The following ABCA5 variants were observed in gnomAD, a reference collection of about 807,000 sequenced individuals.
ABCA5 encodes the protein ATP binding cassette subfamily A member 5.
In ABCA5, 163 loss-of-function variants were observed where a neutral mutation model predicts 206.0. The ratio of observed to expected loss-of-function variants is 0.79; its 90% CI spans 0.70 to 0.90. The LOEUF is 0.90. ABCA5 is among the 40% of genes least tolerant of loss of function. The pLI is 0.00. For missense variants in ABCA5, 1,859 were observed against 1,912.9 expected, an observed-to-expected ratio of 0.97 and a Z score of 0.53; for synonymous variants, 609 against 613.8, an observed-to-expected ratio of 0.99 and a Z score of 0.11.
intron 25 of ABCA5, 51 bp from the exon 26 acceptor site, chr17:69,261,310 T>A: frequency 8.5e-6 from 13 of 1,524,228 alleles, no homozygotes; most frequent in Non-Finnish European, 1.1e-5. Flanking sequence ...AGAAACTTCT[T>A]ACAAATTGGT....
chr17:69,291,328 T>C lies in ABCA5; in HGVS notation c.1496-2A>G, dbSNP rs1428375178. On this transcript the variant is annotated splice_acceptor_variant, in intron 11 of 38. Coordinates refer to ENST00000392676, the MANE Select transcript of ABCA5 (RefSeq NM_172232.4). LOFTEE classifies it high-confidence loss of function. ...CCTCATATATGTCAAATGACAAATC[T>C]AGTTCAGGAAAAAAGAAGACTCAAA... 1.3e-6 allele frequency: 2 copies of C among 1,574,378 alleles called. No homozygotes were observed. Among genetic ancestry groups the C allele is most frequent in the South Asian group, 2.3e-5 (2 of 88,312 alleles).
intron 21 of ABCA5, 128 bp downstream of exon 21, chr17:69,271,034 A>T: frequency 9.0e-7 from 1 of 1,117,238 alleles, no homozygotes; most frequent in Non-Finnish European, 1.2e-6. Context: ...AAAGACAGCT[A>T]GTTATTTCCA....
intron 3 of ABCA5, among the ~76,000 whole-genome samples, chr17:69,310,342 C>T (rs180849720): frequency 3.4e-4 from 52 of 152,194 alleles, no homozygotes; most frequent in African/African-American, 1.3e-3. Context: ...GGTGTCACTA[C>T]ATTACCCAAG....
intron 1 of ABCA5, among the ~76,000 whole-genome samples, chr17:69,323,467 C>T (rs1169001661): frequency 6.6e-6 from 1 of 152,196 alleles, no homozygotes; most frequent in Non-Finnish European, 1.5e-5. Context: ...TGTGACCATC[C>T]TCAAGTTTTA....
At chr17:69,300,135 G>A (rs1403237063) in intron 9 of ABCA5, among the ~76,000 whole-genome samples, 2 of 152,164 alleles carry the variant, frequency 1.3e-5, no homozygotes, top group East Asian at 1.9e-4. Flanking sequence ...GGAGCCCTGA[G>A]CTTGTTTTTC....
At position 69,245,316 on chromosome 17, in the gene ABCA5, G is replaced by GAT. The variant is rs367672784; in HGVS notation, c.*2220_*2221insAT. 9.9e-5 allele frequency: 15 copies of GAT among 151,918 alleles called. No homozygotes were observed. In the East Asian group the frequency reaches 2.9e-3, roughly 29 times the overall value. 9.4% of individuals were successfully genotyped at this position (151,918 alleles called of 1,614,324 possible). A position where few individuals can be genotyped will look rare whatever the true frequency, so the allele number is the denominator to read the frequency against. On this transcript the variant is annotated 3_prime_UTR_variant, in exon 39 of 39. Coordinates refer to ENST00000392676, the MANE Select transcript of ABCA5 (RefSeq NM_172232.4). ...CCTTTGAAAATTTGACCATGAATGGGAAATATAAGGTTGGTGATGTTGCTT... is the reference window on the plus strand; with the variant it reads ...CCTTTGAAAATTTGACCATGAATGGGATAAATATAAGGTTGGTGATGTTGCTT...
chr17:69,273,846 G>T, intron 20 of ABCA5, 113 bp downstream of exon 20: 2 of 971,726 alleles, frequency 2.1e-6, no homozygotes, highest in Non-Finnish European at 1.5e-6. Flanking sequence ...TAGATTTCAT[G>T]CAGACAGACC....
chr17:69,321,018 G>C (rs2075860904), intron 1 of ABCA5, among the ~76,000 whole-genome samples: 1 of 152,042 alleles, frequency 6.6e-6, no homozygotes, highest in South Asian at 2.1e-4. Context: ...AAAAAGGGGT[G>C]ATTACAACTC....
chr17:69,262,414 G>GTC (rs2075159048), intron 24 of ABCA5, among the ~76,000 whole-genome samples: 1 of 151,998 alleles, frequency 6.6e-6, no homozygotes, highest in Admixed American at 6.6e-5. Context: ...AGTGCCCAGT[G>GTC]TCTACTGTTG....
intron 8 of ABCA5, among the ~76,000 whole-genome samples, chr17:69,302,148 T>C (rs563540533): frequency 2.0e-5 from 3 of 152,328 alleles, no homozygotes; most frequent in African/African-American, 2.4e-5. Context: ...GCCAAATTCA[T>C]GTTCCACTAC....
In ABCA5 at chr17:69,293,054, C is replaced by T. The variant is rs565097999; in HGVS notation, c.1495+1601G>A. Among the ~76,000 whole-genome samples, 178 of 152,230 alleles carry T rather than the reference C, an allele frequency of 1.2e-3. 2 individuals carry two copies. Among genetic ancestry groups the T allele is most frequent in the Admixed American group, 2.4e-3 (37 of 15,290 alleles). On this transcript the variant is annotated intron_variant, in intron 11 of 38. Transcript: ENST00000392676. ...ATAAATTAATTTGCCTCCTAGAAGA[C>T]ATTTGGTAAAGACTGGAGACATTTT...
At chr17:69,290,563 T>C (rs770792386) in intron 12 of ABCA5, among the ~76,000 whole-genome samples, 1 of 152,152 alleles carries the variant, frequency 6.6e-6, no homozygotes, top group African/African-American at 2.4e-5. Context: ...TAAGATATTA[T>C]GACTACCATC....
At chr17:69,325,915 G>C (rs1255680046) in intron 1 of ABCA5, 1 of 152,160 alleles carries the variant, frequency 6.6e-6, no homozygotes, top group Non-Finnish European at 1.5e-5. Context: ...TGTTTGAAAG[G>C]AAATATACTC....
In ABCA5 at chr17:69,306,544, G is replaced by T. The variant is rs938882204; in HGVS notation, c.788+181C>A. ...ACATTCTTCATCCCTTATGTTAAAT[G>T]AAGCCAATTAGTTGTTGAAACTTCT... is the stretch of plus-strand genomic sequence containing the variant. On this transcript the variant is annotated intron_variant, in intron 6 of 38. Coordinates refer to ENST00000392676, the MANE Select transcript of ABCA5 (RefSeq NM_172232.4). Among the ~76,000 whole-genome samples, 5 of 152,178 alleles carry T rather than the reference G, an allele frequency of 3.3e-5. No homozygotes were observed. In the East Asian group the frequency reaches 7.7e-4, roughly 23 times the overall value.
chr17:69,294,657 C>A lies in ABCA5; in HGVS notation c.1493G>T (p.Arg498Ile). The A allele has an allele frequency of 6.2e-7, 1 of 1,603,832 alleles. No individual in the cohort carries two copies. The highest frequency in any genetic ancestry group is 8.5e-7 in the Non-Finnish European group (1 of 1,172,340). ...RKKGENVEAL[R>I]NLSFDIYEGQ... ...TGAATACTAGGAAAACTACTTACTT[C>A]TCAAAGCCTCCACATTTTCACCCTT... Residue 498 changes from arginine (R) to isoleucine (I), a missense_variant and splice_region_variant, in exon 11 of 39, where the codon AGA becomes ATA. Coordinates refer to ENST00000392676, the MANE Select transcript of ABCA5 (RefSeq NM_172232.4).
intron 29 of ABCA5, 25 bp downstream of exon 29, chr17:69,256,132 G>A: frequency 6.5e-7 from 1 of 1,539,786 alleles, no homozygotes; most frequent in Non-Finnish European, 8.7e-7. Flanking sequence ...TATTTACTAT[G>A]ACTTAGCCAT....
At chr17:69,298,210 C>T (rs937375172) in intron 9 of ABCA5, among the ~76,000 whole-genome samples, 6 of 60,802 alleles carry the variant, frequency 9.9e-5, no homozygotes, top group Non-Finnish European at 1.7e-4. Flanking sequence ...AAAACCCTGT[C>T]GGAAGGAAGG....
chr17:69,318,062 C>A (rs1237906422), intron 1 of ABCA5, among the ~76,000 whole-genome samples: 2 of 151,998 alleles, frequency 1.3e-5, no homozygotes, highest in Non-Finnish European at 2.9e-5. Flanking sequence ...AAAACAAGGA[C>A]CATCTGTTGC....
Position 69,255,556 on chromosome 17 carries a change from G to A in ABCA5, c.4055C>T (p.Pro1352Leu). The change falls in exon 31 of 39, where the codon CCA (proline) becomes CTA (leucine). Residue 1352 changes from proline (P) to leucine (L), a missense_variant. Physicochemically the swap from Pro to Leu is moderately conservative, Grantham distance 98 (BLOSUM62 -3). Coordinates refer to ENST00000392676, the MANE Select transcript of ABCA5 (RefSeq NM_172232.4). ...IINILVGDIE[P>L]TSGQVFLGDY... is the part of the protein sequence containing the mutation. ...TATATATCATACCTGGCCTGAAGTT[G>A]GTTCAATATCACCAACCAGAATATT... 1 of 1,564,292 alleles carries A rather than the reference G, an allele frequency of 6.4e-7. No homozygotes were observed.
Sources: allele counts gnomAD v4.1 joint callset (sites outside exome capture counted in the v4.1 genomes callset), GRCh38; gene constraint gnomAD v4.1.1; transcripts MANE v1.5; gene names NCBI Gene and HGNC (gene_info 2026-07-23, HGNC 2026-07-21).